Variants in SOX5 observed in about 807,000 individuals in gnomAD.
SOX5 encodes SRY-box transcription factor 5.
In SOX5, 9 loss-of-function variants were observed where a neutral mutation model predicts 92.0. That is an observed-to-expected ratio of 0.10 (90% CI 0.06 to 0.17). The LOEUF (loss-of-function observed/expected upper bound fraction) is 0.17. SOX5 is among the 10% of genes least tolerant of loss of function. The pLI, the probability that SOX5 is intolerant of heterozygous loss-of-function variation, is 1.00. For missense variants in SOX5, 642 were observed against 944.5 expected (o/e 0.68, Z 4.20); for synonymous variants, 344 against 336.3 (o/e 1.02, Z -0.25).
chr12:23,707,156 A>G (rs923079469), intron 6 of SOX5, among the ~76,000 whole-genome samples: 18 of 152,174 alleles, frequency 1.2e-4, no homozygotes, highest in Non-Finnish European at 2.4e-4. Flanking sequence ...TATTGAAGGT[A>G]TGGCTGTAGT....
chr12:23,752,851 CA>C (rs2094224126), intron 4 of SOX5, among the ~76,000 whole-genome samples: 1 of 151,832 alleles, frequency 6.6e-6, no homozygotes, highest in African/African-American at 2.4e-5. Context: ...ACTTTTCAGT[CA>C]AACTGTTTTG....
chr12:24,112,556 G>A (rs1187997145), intron 4 of SOX5, among the ~76,000 whole-genome samples: 2 of 135,396 alleles, frequency 1.5e-5, no homozygotes, highest in Non-Finnish European at 3.1e-5. Flanking sequence ...TTTGAGGCAG[G>A]ATCTCGCTCT....
intron 1 of SOX5, among the ~76,000 whole-genome samples, chr12:24,550,396 T>C (rs1953040836): frequency 6.6e-6 from 1 of 152,184 alleles, no homozygotes; most frequent in African/African-American, 2.4e-5. Context: ...TTTACCTTTC[T>C]AGCTTCTGCT....
intron 1 of SOX5, among the ~76,000 whole-genome samples, chr12:24,445,499 T>C (rs1315316886): frequency 1.3e-5 from 2 of 152,226 alleles, no homozygotes; most frequent in South Asian, 2.1e-4. Flanking sequence ...ATAGAGATAA[T>C]AAGGAGTCCA....
intron 4 of SOX5, among the ~76,000 whole-genome samples, chr12:24,050,624 A>C (rs1319685840): frequency 6.6e-6 from 1 of 152,192 alleles, no homozygotes; most frequent in African/African-American, 2.4e-5. Context: ...TAACTATCCC[A>C]AAAGAGGTAA....
intron 1 of SOX5, among the ~76,000 whole-genome samples, chr12:24,385,137 A>G (rs1294273449): frequency 6.6e-6 from 1 of 152,204 alleles, no homozygotes; most frequent in East Asian, 1.9e-4. Flanking sequence ...TAATTTCTAA[A>G]TTAAATTTTA....
At chr12:23,567,541 A>G (rs1354825383) in intron 10 of SOX5, among the ~76,000 whole-genome samples, 6 of 148,548 alleles carry the variant, frequency 4.0e-5, no homozygotes, top group African/African-American at 1.3e-4. Context: ...GCTCACTGCA[A>G]CCTTGAACTT....
intron 4 of SOX5, among the ~76,000 whole-genome samples, chr12:23,982,709 A>AT (rs1949685466): frequency 6.6e-6 from 1 of 152,116 alleles, no homozygotes; most frequent in Admixed American, 6.6e-5. Flanking sequence ...AAGTAGTAAC[A>AT]TTTAAAAAAA....
chr12:23,602,278 G>A (rs1284526259), intron 9 of SOX5, among the ~76,000 whole-genome samples: 2 of 152,076 alleles, frequency 1.3e-5, no homozygotes, highest in Non-Finnish European at 2.9e-5. Context: ...AGTCTATGAG[G>A]TTCTATGAAT....
chr12:24,002,572 A>AACTTTTT (rs1951715592), intron 4 of SOX5, among the ~76,000 whole-genome samples: 1 of 131,800 alleles, frequency 7.6e-6, no homozygotes, highest in African/African-American at 3.2e-5. Flanking sequence ...TGAATTAGTA[A>AACTTTTT]TTTTCTTACA....
At chr12:23,714,113 T>C (rs951273910) in intron 6 of SOX5, among the ~76,000 whole-genome samples, 10 of 151,294 alleles carry the variant, frequency 6.6e-5, no homozygotes, top group African/African-American at 2.4e-4. Context: ...AAAGAAAAGA[T>C]TATTGGTCAT....
At chr12:24,538,658 C>T (rs917339122) in intron 1 of SOX5, among the ~76,000 whole-genome samples, 2 of 151,370 alleles carry the variant, frequency 1.3e-5, no homozygotes, top group African/African-American at 2.4e-5. Context: ...AGAAGACAGA[C>T]TCTAATATTT....
At chr12:23,633,859 T>C (rs1653919539) in intron 8 of SOX5, among the ~76,000 whole-genome samples, 1 of 152,166 alleles carries the variant, frequency 6.6e-6, no homozygotes, top group African/African-American at 2.4e-5. Context: ...ACATTTGGTC[T>C]TTTATTGTGA....
chr12:24,106,132 C>A (rs1173811981), intron 4 of SOX5, among the ~76,000 whole-genome samples: 1 of 147,060 alleles, frequency 6.8e-6, no homozygotes. Flanking sequence ...AATGAAAAGA[C>A]AAGTCAAGGA....
intron 3 of SOX5, among the ~76,000 whole-genome samples, chr12:23,772,473 G>A (rs1052282259): frequency 4.6e-5 from 7 of 152,122 alleles, no homozygotes; most frequent in African/African-American, 7.2e-5. Context: ...TTTGAAATAC[G>A]TGTATGTCTT....
chr12:23,618,391 T>C (rs1385717115), intron 8 of SOX5, among the ~76,000 whole-genome samples: 1 of 152,152 alleles, frequency 6.6e-6, no homozygotes, highest in Non-Finnish European at 1.5e-5. Context: ...CTGTTCAGTG[T>C]ATCCCAACAG....
chr12:24,269,139 A>G (rs1565792573), intron 3 of SOX5, among the ~76,000 whole-genome samples: 2 of 152,194 alleles, frequency 1.3e-5, no homozygotes, highest in Non-Finnish European at 2.9e-5. Flanking sequence ...TTTTCAAGCA[A>G]TAAAGCATTT....
chr12:24,397,619 A>G (rs1422329755), intron 1 of SOX5, among the ~76,000 whole-genome samples: 8 of 152,116 alleles, frequency 5.3e-5, no homozygotes. Flanking sequence ...AGTTTTAGAA[A>G]GAGAAGACAA....
chr12:24,003,804 A>C (rs114817426), intron 4 of SOX5, among the ~76,000 whole-genome samples: 1,717 of 151,444 alleles, frequency 0.011, 43 homozygotes, highest in African/African-American at 0.039. Flanking sequence ...AGTTGATTTT[A>C]TAATTTACAA....
Sources: allele counts gnomAD v4.1 joint callset (sites outside exome capture counted in the v4.1 genomes callset), GRCh38; gene constraint gnomAD v4.1.1; transcripts MANE v1.5; gene names NCBI Gene and HGNC (gene_info 2026-07-23, HGNC 2026-07-21).